TTC28: variants seen among roughly 807,000 people sequenced by gnomAD.
TTC28 encodes tetratricopeptide repeat protein 28.
In TTC28, 61 loss-of-function variants were observed where a neutral mutation model predicts 198.0. That is an observed-to-expected ratio of 0.31 (90% CI 0.25 to 0.38). TTC28 has a LOEUF of 0.38. Among genes scored for constraint, TTC28 ranks in the 10% least tolerant of loss-of-function variants. TTC28 has a pLI of 1.00. For missense variants in TTC28, 2,678 were observed against 3,164.0 expected (o/e 0.85, Z 3.69); for synonymous variants, 1,171 against 1,297.8 (o/e 0.90, Z 2.10).
intron 2 of TTC28, among the ~76,000 whole-genome samples, chr22:28,436,769 A>C (rs554373015): frequency 6.6e-6 from 1 of 152,344 alleles, no homozygotes; most frequent in Admixed American, 6.5e-5. Context: ...AAGTTAAGTA[A>C]CTTGGCTACA....
intron 12 of TTC28, among the ~76,000 whole-genome samples, chr22:28,062,144 C>T (rs768166899): frequency 1.3e-5 from 2 of 152,202 alleles, no homozygotes; most frequent in African/African-American, 2.4e-5. Flanking sequence ...GCCTCCTTGC[C>T]TCCTGGATTC....
intron 2 of TTC28, among the ~76,000 whole-genome samples, chr22:28,573,533 G>A (rs937560053): frequency 5.9e-5 from 9 of 151,958 alleles, no homozygotes; most frequent in Non-Finnish European, 8.8e-5. Flanking sequence ...ATTAATGTGA[G>A]ACTTGTGAAC....
intron 2 of TTC28, among the ~76,000 whole-genome samples, chr22:28,320,264 GTT>G (rs112265077): frequency 7.1e-6 from 1 of 141,190 alleles, no homozygotes. Flanking sequence ...AATTCTCTAG[GTT>G]TTTTTTTTTT....
intron 2 of TTC28, among the ~76,000 whole-genome samples, chr22:28,393,621 G>T (rs573445080): frequency 6.6e-6 from 1 of 152,134 alleles, no homozygotes; most frequent in Non-Finnish European, 1.5e-5. Flanking sequence ...TTGAGCCCAG[G>T]AGGTAAAGGC....
At chr22:28,467,651 T>A (rs528490320) in intron 2 of TTC28, among the ~76,000 whole-genome samples, 1 of 152,316 alleles carries the variant, frequency 6.6e-6, no homozygotes, top group East Asian at 1.9e-4. Flanking sequence ...AATTGTAATA[T>A]TAGGAATTGT....
At chr22:28,434,761 G>A (rs2047491963) in intron 2 of TTC28, among the ~76,000 whole-genome samples, 1 of 152,020 alleles carries the variant, frequency 6.6e-6, no homozygotes, top group African/African-American at 2.4e-5. Flanking sequence ...ATAGGTTCAA[G>A]CCTATATACA....
At chr22:28,485,993 A>G (rs548542276) in intron 2 of TTC28, among the ~76,000 whole-genome samples, 1 of 152,242 alleles carries the variant, frequency 6.6e-6, no homozygotes, top group East Asian at 1.9e-4. Flanking sequence ...CTAGAAGATA[A>G]TCTTGGTAAG....
At position 27,985,258 on chromosome 22, in the gene TTC28, ACAG is replaced by A; in HGVS notation, c.5803_5805del (p.Leu1935del). ...GAGGGCAGGCTCTTACCAAACAGAGACAGCAGGGACTGGAGCGCGAAGTGCACA... is the reference window on the plus strand; with the variant it reads ...GAGGGCAGGCTCTTACCAAACAGAGACAGGGACTGGAGCGCGAAGTGCACA... On this transcript the variant is annotated inframe_deletion, in exon 22 of 23. Transcript: ENST00000397906. The A allele has an allele frequency of 6.4e-7, 1 of 1,551,114 alleles. No homozygotes were observed. The highest frequency in any genetic ancestry group is 8.7e-7 in the Non-Finnish European group (1 of 1,146,630).
chr22:28,497,925 A>G (rs948620198), intron 2 of TTC28, among the ~76,000 whole-genome samples: 1 of 152,112 alleles, frequency 6.6e-6, no homozygotes, highest in African/African-American at 2.4e-5. Context: ...TAATAAACTA[A>G]ATTTATAATT....
chr22:28,679,495 G>T, intron 1 of TTC28, 127 bp downstream of exon 1: 1 of 596,748 alleles, frequency 1.7e-6, no homozygotes, highest in Non-Finnish European at 2.7e-6. Flanking sequence ...TCGCGGCTGG[G>T]ATCGAACCCG....
intron 1 of TTC28, among the ~76,000 whole-genome samples, chr22:28,635,016 T>C (rs544047202): frequency 6.6e-6 from 1 of 152,240 alleles, no homozygotes; most frequent in Non-Finnish European, 1.5e-5. Context: ...ACTAATTTAA[T>C]GAGTTAGAAT....
At chr22:28,134,602 T>C (rs1048774117) in intron 6 of TTC28, among the ~76,000 whole-genome samples, 1 of 152,132 alleles carries the variant, frequency 6.6e-6, no homozygotes, top group African/African-American at 2.4e-5. Context: ...GTATCAGTGA[T>C]TGAAGATCAA....
intron 5 of TTC28, among the ~76,000 whole-genome samples, chr22:28,265,245 T>C (rs891812186): frequency 3.9e-5 from 6 of 152,178 alleles, no homozygotes; most frequent in African/African-American, 1.2e-4. Context: ...TTTCAAGCAA[T>C]TGTCTTTTGT....
chr22:28,592,163 G>A (rs1265002158), intron 2 of TTC28, among the ~76,000 whole-genome samples: 1 of 152,070 alleles, frequency 6.6e-6, no homozygotes, highest in African/African-American at 2.4e-5. Flanking sequence ...GGGACCTGGA[G>A]AGACAGGGTC....
At chr22:28,156,473 G>C (rs1324631739) in intron 6 of TTC28, among the ~76,000 whole-genome samples, 2 of 152,218 alleles carry the variant, frequency 1.3e-5, no homozygotes, top group African/African-American at 2.4e-5. Flanking sequence ...CTCCAGAGCT[G>C]TAAGAGAATA....
At chr22:28,402,990 G>T (rs1290001464) in intron 2 of TTC28, among the ~76,000 whole-genome samples, 1 of 152,140 alleles carries the variant, frequency 6.6e-6, no homozygotes, top group African/African-American at 2.4e-5. Flanking sequence ...TCAGCAAGAG[G>T]CCTATCTAAC....
chr22:28,314,327 T>G (rs1200966557), intron 2 of TTC28, among the ~76,000 whole-genome samples: 4 of 152,188 alleles, frequency 2.6e-5, no homozygotes, highest in Non-Finnish European at 5.9e-5. Flanking sequence ...TCCATCAAGC[T>G]ACCACTGACT....
At chr22:28,031,651 G>A (rs1165152180) in intron 12 of TTC28, among the ~76,000 whole-genome samples, 1 of 152,186 alleles carries the variant, frequency 6.6e-6, no homozygotes, top group Non-Finnish European at 1.5e-5. Flanking sequence ...GGGGCCAAAT[G>A]AGACATGGCA....
At chr22:28,559,170 C>G (rs908800055) in intron 2 of TTC28, among the ~76,000 whole-genome samples, 1 of 152,060 alleles carries the variant, frequency 6.6e-6, no homozygotes, top group African/African-American at 2.4e-5. Context: ...TCATGCATGC[C>G]CCTAGATATC....
Sources: gnomAD v4.1 joint callset for allele counts (sites outside exome capture counted in the v4.1 genomes callset) on GRCh38, gnomAD v4.1.1 for gene constraint, MANE v1.5 for transcripts, NCBI Gene and HGNC (gene_info 2026-07-23, HGNC 2026-07-21) for gene names.